CHRM3: variants seen among roughly 807,000 people sequenced by gnomAD.
CHRM3 encodes the protein cholinergic receptor muscarinic 3, also known as muscarinic acetylcholine receptor M3.
CHRM3 carries 11 observed loss-of-function variants against 41.8 expected under a neutral mutation model. That is an observed-to-expected ratio of 0.26 (90% confidence interval 0.17 to 0.44). The LOEUF (loss-of-function observed/expected upper bound fraction) is 0.44, where lower values mean the gene tolerates loss of function less well. CHRM3 is among the 20% of genes least tolerant of loss of function. The pLI is 1.00. For synonymous variants in CHRM3, 297 were observed against 301.4 expected (o/e 0.99, Z 0.15); for missense variants, 571 against 745.4 (o/e 0.77, Z 2.72).
chr1:239,831,819 TTA>T (rs759156216), intron 6 of CHRM3, among the ~76,000 whole-genome samples: 8 of 152,132 alleles, frequency 5.3e-5, no homozygotes, highest in Non-Finnish European at 1.2e-4. Flanking sequence ...AAATCAGGTG[TTA>T]TATAGATTAA....
chr1:239,528,849 C>T (rs1263173292), intron 2 of CHRM3, among the ~76,000 whole-genome samples: 4 of 152,166 alleles, frequency 2.6e-5, no homozygotes, highest in Non-Finnish European at 5.9e-5. Context: ...GCCGAGATCA[C>T]ACCACTGTAC....
chr1:239,634,174 T>A (rs1434455610), intron 4 of CHRM3, among the ~76,000 whole-genome samples: 1 of 152,204 alleles, frequency 6.6e-6, no homozygotes, highest in African/African-American at 2.4e-5. Flanking sequence ...TCCAGGAGCC[T>A]GTGCTATTGC....
At chr1:239,731,208 C>T (rs1269334105) in intron 5 of CHRM3, among the ~76,000 whole-genome samples, 4 of 151,782 alleles carry the variant, frequency 2.6e-5, no homozygotes, top group Non-Finnish European at 4.4e-5. Context: ...ATGTGCACTT[C>T]TGTTAGGTAA....
intron 4 of CHRM3, among the ~76,000 whole-genome samples, chr1:239,653,022 T>G (rs1672378978): frequency 6.6e-6 from 1 of 152,188 alleles, no homozygotes; most frequent in Admixed American, 6.5e-5. Flanking sequence ...CCTTGGACAG[T>G]GTTAATGAAA....
chr1:239,880,449 GT>G (rs1406677483), intron 6 of CHRM3, among the ~76,000 whole-genome samples: 1 of 152,350 alleles, frequency 6.6e-6, no homozygotes, highest in Admixed American at 6.5e-5. Context: ...AGCTTGTGAA[GT>G]TTAGTTATAT....
At chr1:239,522,474 T>A (rs992931012) in intron 2 of CHRM3, among the ~76,000 whole-genome samples, 1 of 152,186 alleles carries the variant, frequency 6.6e-6, no homozygotes, top group Non-Finnish European at 1.5e-5. Context: ...TCAGCCAAAC[T>A]CTTCCTAAGT....
At chr1:239,584,264 T>C (rs1470871037) in intron 3 of CHRM3, among the ~76,000 whole-genome samples, 1 of 151,944 alleles carries the variant, frequency 6.6e-6, no homozygotes, top group African/African-American at 2.4e-5. Context: ...CCACCATGCC[T>C]GGCTAATTTT....
chr1:239,719,249 GA>G (rs1184185466), intron 5 of CHRM3: 10 of 152,014 alleles, frequency 6.6e-5, no homozygotes, highest in African/African-American at 2.4e-4. Flanking sequence ...GGTTTTTGGG[GA>G]CTGGTGTTAG....
chr1:239,419,896 C>G (rs909819268), intron 1 of CHRM3, among the ~76,000 whole-genome samples: 1 of 152,236 alleles, frequency 6.6e-6, no homozygotes, highest in Non-Finnish European at 1.5e-5. Context: ...ACACCTTTCT[C>G]TCATTGTCCC....
chr1:239,886,782 A>G (rs187535527), intron 6 of CHRM3, among the ~76,000 whole-genome samples: 7 of 152,290 alleles, frequency 4.6e-5, no homozygotes, highest in African/African-American at 1.7e-4. Flanking sequence ...ATTTGTCACA[A>G]CGTATGCTGT....
intron 1 of CHRM3, among the ~76,000 whole-genome samples, chr1:239,415,938 C>G (rs1661465271): frequency 6.6e-6 from 1 of 152,130 alleles, no homozygotes; most frequent in Non-Finnish European, 1.5e-5. Context: ...CATAGATTTT[C>G]TTACTCGGTA....
chr1:239,452,955 C>T (rs918498692), intron 1 of CHRM3, among the ~76,000 whole-genome samples: 7 of 152,126 alleles, frequency 4.6e-5, no homozygotes, highest in African/African-American at 1.7e-4. Flanking sequence ...CACGCACCAC[C>T]ATGCCCGGCT....
chr1:239,515,169 A>G (rs1669174739), intron 2 of CHRM3, among the ~76,000 whole-genome samples: 1 of 152,098 alleles, frequency 6.6e-6, no homozygotes. Context: ...TTTGGTTAGT[A>G]TATATATTTC....
chr1:239,772,051 A>G (rs663927), intron 5 of CHRM3, among the ~76,000 whole-genome samples: 106,135 of 152,168 alleles, frequency 0.7, 37,507 homozygotes, highest in Non-Finnish European at 0.75. Context: ...CGTAAAATTG[A>G]AAAGTCCAGA....
chr1:239,405,018 GC>G (rs1444261553), intron 1 of CHRM3, among the ~76,000 whole-genome samples: 3 of 151,894 alleles, frequency 2.0e-5, no homozygotes, highest in Non-Finnish European at 4.4e-5. Flanking sequence ...CTGTCTAAGT[GC>G]AAAATAGTTT....
chr1:239,618,812 C>A (rs1668010829), intron 3 of CHRM3, among the ~76,000 whole-genome samples: 2 of 143,278 alleles, frequency 1.4e-5, no homozygotes, highest in African/African-American at 2.6e-5. Context: ...CCCCTGCACT[C>A]CAGCCTGGGA....
At chr1:239,423,855 A>G (rs1279443989) in intron 1 of CHRM3, among the ~76,000 whole-genome samples, 1 of 152,004 alleles carries the variant, frequency 6.6e-6, no homozygotes, top group Admixed American at 6.6e-5. Context: ...GGAGATCGAG[A>G]CCATCCTGGC....
chr1:239,555,777 C>G (rs1370289387), intron 3 of CHRM3, among the ~76,000 whole-genome samples: 1 of 152,236 alleles, frequency 6.6e-6, no homozygotes, highest in Non-Finnish European at 1.5e-5. Context: ...AATGCTGCCT[C>G]TTCAACAAAA....
chr1:239,777,835 C>T (rs745735603), intron 5 of CHRM3, among the ~76,000 whole-genome samples: 10 of 152,148 alleles, frequency 6.6e-5, no homozygotes, highest in Non-Finnish European at 1.5e-4. Context: ...CAAATAGTTA[C>T]AGGGTTGTAT....
Sources: gnomAD v4.1 joint callset for allele counts (sites outside exome capture counted in the v4.1 genomes callset) on GRCh38, gnomAD v4.1.1 for gene constraint, MANE v1.5 for transcripts, NCBI Gene and HGNC (gene_info 2026-07-23, HGNC 2026-07-21) for gene names.